CD6: variants seen among roughly 807,000 people sequenced by gnomAD.
CD6 encodes the protein CD6 molecule.
CD6 carries 53 observed loss-of-function variants against 75.3 expected under a neutral mutation model. That is an observed-to-expected ratio of 0.70 (90% confidence interval 0.56 to 0.88). CD6 has a LOEUF of 0.88. Ranked by LOEUF, CD6 falls within the 40% of genes least tolerant of loss-of-function variation. The pLI, the probability that CD6 is intolerant of heterozygous loss-of-function variation, is 0.00. For synonymous variants in CD6, 359 were observed against 381.5 expected, an observed-to-expected ratio of 0.94 and a Z score of 0.69; for missense variants, 770 against 897.1, an observed-to-expected ratio of 0.86 and a Z score of 1.81.
chr11:61,020,109 T>G lies in CD6; in HGVS notation c.*791T>G. ...GGCCCCAGCCCAGCCCCACCACAGATCCCAGAGATAGGGGCCCAGTCTCCA... is the reference window on the plus strand; with the variant it reads ...GGCCCCAGCCCAGCCCCACCACAGAGCCCAGAGATAGGGGCCCAGTCTCCA... On this transcript the variant is annotated 3_prime_UTR_variant, in exon 13 of 13. Transcript: ENST00000313421. 1 of 398,638 alleles carries G rather than the reference T, an allele frequency of 2.5e-6. No individual in the cohort carries two copies. 24.7% of individuals were successfully genotyped at this position (398,638 alleles called of 1,614,324 possible). A position where few individuals can be genotyped will look rare whatever the true frequency, so the allele number is the denominator to read the frequency against.
chr11:60,971,989 T>G, intron 1 of CD6, 75 bp downstream of exon 1: 1 of 1,462,316 alleles, frequency 6.8e-7, no homozygotes, highest in Admixed American at 1.8e-5. Context: ...CCCTTTCTGG[T>G]TGTTTCCTTG....
intron 1 of CD6, among the ~76,000 whole-genome samples, chr11:61,002,163 C>T (rs1017334249): frequency 3.9e-5 from 6 of 152,162 alleles, no homozygotes; most frequent in Non-Finnish European, 8.8e-5. Flanking sequence ...TTTATAAAGG[C>T]TGCATAAGAT....
Position 61,009,642 on chromosome 11 carries a change from G to T in CD6, c.852G>T (p.Gly284=), listed in dbSNP as rs1313625232. The change falls in exon 5 of 13, where the codon GGG becomes GGT. Residue 284 remains glycine (G), a synonymous_variant. Transcript: ENST00000313421. ...CEGQVEVHFR[G]VWNTVCDSEW... ...GGCAGGTGGAGGTACACTTCCGAGG[G>T]GTCTGGAACACAGTGTGTGACAGTG... The T allele has an allele frequency of 8.1e-6, 13 of 1,613,808 alleles. No individual in the cohort carries two copies. The highest frequency in any genetic ancestry group is 1.1e-5 in the Non-Finnish European group (13 of 1,180,018).
At chr11:60,998,115 A>T (rs1390188786) in intron 1 of CD6, among the ~76,000 whole-genome samples, 1 of 152,192 alleles carries the variant, frequency 6.6e-6, no homozygotes, top group African/African-American at 2.4e-5. Flanking sequence ...TAAAAGGGTG[A>T]TTTCTAGAGC....
At chr11:60,985,572 G>T (rs963203221) in intron 1 of CD6, among the ~76,000 whole-genome samples, 9 of 112,250 alleles carry the variant, frequency 8.0e-5, no homozygotes, top group Non-Finnish European at 1.6e-4. Flanking sequence ...TAAGTAAATA[G>T]AATATATATA....
chr11:61,018,233 C>G, intron 11 of CD6, 56 bp from the exon 12 acceptor site: 1 of 1,457,190 alleles, frequency 6.9e-7, no homozygotes, highest in South Asian at 1.3e-5. Context: ...CCAGCTCTGG[C>G]AACTTGAGAA....
At chr11:61,006,150 C>T (rs982996051) in intron 1 of CD6, among the ~76,000 whole-genome samples, 5 of 152,140 alleles carry the variant, frequency 3.3e-5, no homozygotes, top group South Asian at 2.1e-4. Context: ...CTCCCACTTT[C>T]GAGCTTTTTC....
intron 1 of CD6, among the ~76,000 whole-genome samples, chr11:60,996,439 G>A (rs1447189568): frequency 1.3e-5 from 2 of 152,210 alleles, no homozygotes; most frequent in Admixed American, 1.3e-4. Flanking sequence ...AGGAATCCCA[G>A]TCCAGCTTCC....
Position 61,017,887 on chromosome 11 carries a change from G to T in CD6, c.1711G>T (p.Asp571Tyr). 1.2e-6 allele frequency: 2 copies of T among 1,614,074 alleles called. No individual in the cohort carries two copies. The highest frequency in any genetic ancestry group is 2.2e-5 in the East Asian group (1 of 44,874). The change falls in exon 11 of 13, where the codon GAT becomes TAT. Residue 571 changes from aspartate (D) to tyrosine (Y), a missense_variant. By Grantham distance (160) the Asp-to-Tyr change is radical. Transcript: ENST00000313421. Reference protein sequence around the residue: ...NSESSTSSGEDYCNSPKSKLP... With the variant: ...NSESSTSSGEYYCNSPKSKLP... ...TGAGTCGAGCACCTCTTCAGGGGAG[G>T]ATTACTGCAATAGTCCCAAAAGCAA...
At chr11:60,994,562 T>C (rs545404580) in intron 1 of CD6, among the ~76,000 whole-genome samples, 1 of 151,824 alleles carries the variant, frequency 6.6e-6, no homozygotes, top group Admixed American at 6.6e-5. Flanking sequence ...ATTGAGTAAA[T>C]TGTTTTATTT....
chr11:61,018,484 G>A, intron 12 of CD6, 91 bp downstream of exon 12: 1 of 978,030 alleles, frequency 1.0e-6, no homozygotes, highest in South Asian at 1.5e-5. Context: ...TTCGCTCAAG[G>A]GGAAAAGGAG....
At chr11:60,978,435 G>A (rs966453462) in intron 1 of CD6, among the ~76,000 whole-genome samples, 3 of 152,218 alleles carry the variant, frequency 2.0e-5, no homozygotes, top group Non-Finnish European at 2.9e-5. Context: ...AGCCTGGGGA[G>A]GAGAAGGAAC....
chr11:60,974,662 A>G (rs1195526557), intron 1 of CD6, among the ~76,000 whole-genome samples: 1 of 152,198 alleles, frequency 6.6e-6, no homozygotes, highest in African/African-American at 2.4e-5. Context: ...TAGAGATTCA[A>G]GCCTCCAGTT....
chr11:60,987,544 G>GGTGT (rs141839749), intron 1 of CD6, among the ~76,000 whole-genome samples: 1 of 150,520 alleles, frequency 6.6e-6, no homozygotes, highest in Non-Finnish European at 1.5e-5. Flanking sequence ...GTGTGTGTAG[G>GGTGT]GTGTGTGTGT....
intron 1 of CD6, among the ~76,000 whole-genome samples, chr11:60,976,798 A>T (rs1274405713): frequency 6.6e-6 from 1 of 152,156 alleles, no homozygotes; most frequent in African/African-American, 2.4e-5. Context: ...CTCTGAATCC[A>T]AGTTATACAA....
At chr11:60,991,149 CTTTT>C (rs58123378) in intron 1 of CD6, among the ~76,000 whole-genome samples, 2 of 114,712 alleles carry the variant, frequency 1.7e-5, no homozygotes, top group South Asian at 2.8e-4. Flanking sequence ...CTTTTTCTTT[CTTTT>C]TTTTTTTTTT....
chr11:60,977,521 A>AAG (rs1195211299), intron 1 of CD6, among the ~76,000 whole-genome samples: 4 of 152,202 alleles, frequency 2.6e-5, no homozygotes, highest in African/African-American at 9.7e-5. Context: ...AGAGCATGGT[A>AAG]AGTTATCCAG....
chr11:61,006,705 T>A, intron 2 of CD6, 63 bp downstream of exon 2: 1 of 1,366,716 alleles, frequency 7.3e-7, no homozygotes, highest in South Asian at 1.2e-5. Context: ...CCCAGGGTAA[T>A]AAAGAAGGGA....
chr11:60,981,393 C>G (rs1857553807), intron 1 of CD6, among the ~76,000 whole-genome samples: 1 of 152,166 alleles, frequency 6.6e-6, no homozygotes, highest in South Asian at 2.1e-4. Flanking sequence ...GGGACCCCTC[C>G]CCACTCAAGA....
Sources: allele counts gnomAD v4.1 joint callset (sites outside exome capture counted in the v4.1 genomes callset), GRCh38; gene constraint gnomAD v4.1.1; transcripts MANE v1.5; gene names NCBI Gene and HGNC (gene_info 2026-07-23, HGNC 2026-07-21).